The following ADGRV1 variants were observed in gnomAD, a reference collection of about 807,000 sequenced individuals.
ADGRV1 encodes G-protein coupled receptor 98.
ADGRV1 carries 359 observed loss-of-function variants against 596.2 expected under a neutral mutation model. That is an observed-to-expected ratio of 0.60 (90% CI 0.55 to 0.66). The LOEUF is 0.66. Among genes scored for constraint, ADGRV1 ranks in the 30% least tolerant of loss-of-function variants. The probability of loss-of-function intolerance (pLI) is 0.00; values close to 1 mark genes in which losing one functional copy is unlikely to be tolerated. For missense variants in ADGRV1, 7,274 were observed against 7,575.6 expected (o/e 0.96, Z 1.48); for synonymous variants, 2,681 against 2,679.2 (o/e 1.00, Z -0.02).
chr5:91,126,419 A>G (rs548526161), intron 87 of ADGRV1, among the ~76,000 whole-genome samples: 55 of 152,336 alleles, frequency 3.6e-4, no homozygotes, highest in African/African-American at 1.3e-3. Context: ...TCCTAAGACT[A>G]TGGTAAAAGC....
intron 83 of ADGRV1, among the ~76,000 whole-genome samples, chr5:90,896,714 ATGGTTTAAATAGATT>A (rs1771360776): frequency 6.6e-6 from 1 of 152,152 alleles, no homozygotes; most frequent in African/African-American, 2.4e-5. Context: ...GCTTTATTAT[ATGGTTTAAATAGATT>A]TGCATTAGAA....
intron 9 of ADGRV1, among the ~76,000 whole-genome samples, chr5:90,634,270 G>A (rs1221550852): frequency 6.6e-6 from 1 of 152,132 alleles, no homozygotes; most frequent in African/African-American, 2.4e-5. Context: ...AGCTCAGATT[G>A]TGTAGAAGGG....
chr5:90,838,986 T>C (rs866747870), intron 77 of ADGRV1, among the ~76,000 whole-genome samples: 3 of 152,362 alleles, frequency 2.0e-5, no homozygotes, highest in Middle Eastern at 3.4e-3. Context: ...TGTGACCCTA[T>C]TTATTCTACC....
In ADGRV1 at chr5:91,027,587, T is replaced by G. The variant is rs371250202; in HGVS notation, c.18152+42065T>G. Among the ~76,000 whole-genome samples the G allele has an allele frequency of 1.1e-4, 17 of 152,276 alleles. No homozygotes were observed. The East Asian group carries it at 3.1e-3, about 28-fold the overall frequency. On this transcript the variant is annotated intron_variant, in intron 85 of 89. Coordinates refer to ENST00000405460, the MANE Select transcript of ADGRV1 (RefSeq NM_032119.4). ...GCTCTGCTCTGTGCTGAAGGCAAACTGGAATGAACTGACAATTTTGCTTTC... is the reference window on the plus strand; with the variant it reads ...GCTCTGCTCTGTGCTGAAGGCAAACGGGAATGAACTGACAATTTTGCTTTC...
intron 85 of ADGRV1, among the ~76,000 whole-genome samples, chr5:91,044,508 A>G (rs1785626083): frequency 6.6e-6 from 1 of 152,132 alleles, no homozygotes; most frequent in Non-Finnish European, 1.5e-5. Flanking sequence ...TCAATTTTGA[A>G]TCATTCAACA....
chr5:91,064,898 T>A (rs1008299699), intron 85 of ADGRV1, among the ~76,000 whole-genome samples: 1 of 152,170 alleles, frequency 6.6e-6, no homozygotes, highest in Non-Finnish European at 1.5e-5. Context: ...AATGCATGCA[T>A]GCATAAATTC....
At chr5:90,684,594 A>T (rs1263747000) in intron 28 of ADGRV1, among the ~76,000 whole-genome samples, 3 of 152,114 alleles carry the variant, frequency 2.0e-5, no homozygotes, top group Non-Finnish European at 4.4e-5. Flanking sequence ...GCCACGATTA[A>T]GGTGCCAGCA....
At chr5:91,153,645 G>C (rs982377476) in intron 89 of ADGRV1, among the ~76,000 whole-genome samples, 7 of 152,140 alleles carry the variant, frequency 4.6e-5, no homozygotes, top group Non-Finnish European at 7.4e-5. Context: ...AAATATCCCT[G>C]TCCTGGAATC....
chr5:91,098,215 A>G (rs1791046481), intron 86 of ADGRV1, among the ~76,000 whole-genome samples: 1 of 152,186 alleles, frequency 6.6e-6, no homozygotes, highest in Non-Finnish European at 1.5e-5. Flanking sequence ...AATTGAATGG[A>G]GCACTGTTTT....
rs757029909 is a variant in ADGRV1, at chr5:91,014,136, C to CCCCCCCCACACACA, written c.18152+28615_18152+28616insCCCCCCACACACAC. ...TCATAGGCAATCCCATTCACAATTG[C>CCCCCCCCACACACA]CACACACACACACACACACACACAC... On this transcript the variant is annotated intron_variant, in intron 85 of 89. Transcript: ENST00000405460. 1.1e-4 allele frequency among the ~76,000 whole-genome samples: 4 copies of CCCCCCCCACACACA among 35,698 alleles called. No individual in the cohort carries two copies. In the East Asian group the frequency reaches 2.7e-3, roughly 24 times the overall value. The allele number at this position is 35,698 out of a possible 152,430, so 23.4% of individuals were successfully genotyped here. A position where few individuals can be genotyped will look rare whatever the true frequency, so the allele number is the denominator to read the frequency against.
At chr5:91,145,468 A>G (rs1333788444) in intron 87 of ADGRV1, among the ~76,000 whole-genome samples, 5 of 152,164 alleles carry the variant, frequency 3.3e-5, no homozygotes, top group Non-Finnish European at 5.9e-5. Context: ...TGTTTTGTCT[A>G]TTGCTGTAGC....
chr5:91,012,223 A>G (rs1293947720), intron 85 of ADGRV1, among the ~76,000 whole-genome samples: 1 of 151,978 alleles, frequency 6.6e-6, no homozygotes, highest in Non-Finnish European at 1.5e-5. Flanking sequence ...CCAGTGTTCA[A>G]GGTCCCTGGA....
intron 84 of ADGRV1, among the ~76,000 whole-genome samples, chr5:90,967,933 T>C (rs1343232174): frequency 2.0e-5 from 3 of 152,186 alleles, no homozygotes; most frequent in Non-Finnish European, 4.4e-5. Flanking sequence ...GAAGCAGACA[T>C]GTTTACGTTG....
rs74327115 is a variant in ADGRV1, at chr5:90,755,077, G to A, written c.11472G>A (p.Leu3824=). The change falls in exon 55 of 90, where the codon CTG becomes CTA. Residue 3824 remains leucine, a synonymous_variant. Coordinates refer to ENST00000405460, the MANE Select transcript of ADGRV1 (RefSeq NM_032119.4). ...IHLRAQPNFL[L]HVDNQATENE... ...TGAGAGCTCAACCCAATTTCTTACTGCATGTCGATAATCAAGCTACTGAGA... is the reference window on the plus strand; with the variant it reads ...TGAGAGCTCAACCCAATTTCTTACTACATGTCGATAATCAAGCTACTGAGA... 4.4e-3 allele frequency: 7,090 copies of A among 1,610,576 alleles called. 276 individuals carry two copies. In the African/African-American group the frequency reaches 0.082, roughly 19 times the overall value.
chr5:90,888,241 C>G (rs1241967143), intron 83 of ADGRV1, among the ~76,000 whole-genome samples: 5 of 152,036 alleles, frequency 3.3e-5, no homozygotes, highest in Admixed American at 1.3e-4. Flanking sequence ...GAAGAGTGAG[C>G]TAAAGTGAAA....
rs1283857581 is a variant in ADGRV1 at position 90,970,581 on chromosome 5, A to G, written c.17973+5050A>G. On this transcript the variant is annotated intron_variant, in intron 84 of 89. Coordinates refer to ENST00000405460, the MANE Select transcript of ADGRV1 (RefSeq NM_032119.4). ...CTGTTCAGCAGCCTCTGCTGCTGAT[A>G]CCCAGGCAAACAGGGTCTGGAGTGG... is the stretch of plus-strand genomic sequence containing the variant. Among the ~76,000 whole-genome samples the G allele has an allele frequency of 3.4e-5, 3 of 88,828 alleles. No individual in the cohort carries two copies. The East Asian group carries it at 1.4e-3, about 40-fold the overall frequency. The allele number at this position is 88,828 out of a possible 152,430, so 58.3% of individuals were successfully genotyped here.
At chr5:90,890,829 T>C (rs1770748522) in intron 83 of ADGRV1, among the ~76,000 whole-genome samples, 1 of 152,144 alleles carries the variant, frequency 6.6e-6, no homozygotes, top group Admixed American at 6.6e-5. Context: ...CCTCATCTTC[T>C]TCAACACTTC....
At chr5:90,570,559 T>C (rs974848198) in intron 1 of ADGRV1, among the ~76,000 whole-genome samples, 3 of 152,126 alleles carry the variant, frequency 2.0e-5, no homozygotes, top group African/African-American at 7.2e-5. Flanking sequence ...TTCCACTAGG[T>C]CTATGTTGGT....
chr5:91,100,504 G>A (rs1791283411), intron 86 of ADGRV1, among the ~76,000 whole-genome samples: 1 of 150,792 alleles, frequency 6.6e-6, no homozygotes, highest in South Asian at 2.1e-4. Flanking sequence ...GAGGGAGGAA[G>A]GAAGGATGGA....
Sources: allele counts gnomAD v4.1 joint callset (sites outside exome capture counted in the v4.1 genomes callset), GRCh38; gene constraint gnomAD v4.1.1; transcripts MANE v1.5; gene names NCBI Gene and HGNC (gene_info 2026-07-23, HGNC 2026-07-21).